The following GRID2IP variants were observed in gnomAD, a reference collection of about 807,000 sequenced individuals.
GRID2IP encodes delphilin.
GRID2IP carries 78 observed loss-of-function variants against 114.3 expected under a neutral mutation model. The observed-to-expected ratio is 0.68, with a 90% CI of 0.57 to 0.82. GRID2IP has a LOEUF of 0.82. Among genes scored for constraint, GRID2IP ranks in the 40% least tolerant of loss-of-function variants. The pLI, the probability that GRID2IP is intolerant of heterozygous loss-of-function variation, is 0.00. For synonymous variants in GRID2IP, 809 were observed against 724.0 expected, an observed-to-expected ratio of 1.12 and a Z score of -1.89; for missense variants, 1,727 against 1,678.5, an observed-to-expected ratio of 1.03 and a Z score of -0.51.
rs1583345105 is a variant in GRID2IP, at chr7:6,522,396, A to G, written c.920-439T>C. Among the ~76,000 whole-genome samples the G allele has an allele frequency of 4.6e-5, 7 of 152,312 alleles. No individual in the cohort carries two copies. In the East Asian group the frequency reaches 1.4e-3, roughly 29 times the overall value. Reference sequence around the variant, plus strand: ...TGGAGGGCAGGACTCAGGCAGCATCAGTACTTCTTGAGTCCCTGCTCCATA... The same window carrying G: ...TGGAGGGCAGGACTCAGGCAGCATCGGTACTTCTTGAGTCCCTGCTCCATA... On this transcript the variant is annotated intron_variant, in intron 4 of 21. Transcript: ENST00000457091.
At position 6,521,372 on chromosome 7, in the gene GRID2IP, G is replaced by C; in HGVS notation, c.1084+57C>G. ...CTCCGCACTGTGACTCTCACATATA[G>C]CAGCCTGGGCAGGGTCTCTGGGGGC... On this transcript the variant is annotated intron_variant, in intron 6 of 21. Coordinates refer to ENST00000457091, the MANE Select transcript of GRID2IP (RefSeq NM_001145118.2). The surrounding 1 kb of genome is among the most constrained non-coding windows in gnomAD (Gnocchi z 4.1). 1 of 1,262,404 alleles carries C rather than the reference G, an allele frequency of 7.9e-7. No individual in the cohort carries two copies. Among genetic ancestry groups the C allele is most frequent in the Non-Finnish European group, 1.1e-6 (1 of 910,086 alleles). 78.2% of individuals were successfully genotyped at this position (1,262,404 alleles called of 1,614,324 possible). A position where few individuals can be genotyped will look rare whatever the true frequency, so the allele number is the denominator to read the frequency against.
Position 6,539,756 on chromosome 7 carries a change from C to A in GRID2IP, c.546G>T (p.Leu182=), listed in dbSNP as rs954991699. 9.7e-6 allele frequency: 15 copies of A among 1,549,876 alleles called. No individual in the cohort carries two copies. The highest frequency in any genetic ancestry group is 2.7e-5 in the African/African-American group (2 of 72,978). The change falls in exon 2 of 22, where the codon CTG becomes CTT. Residue 182 remains leucine (L), a synonymous_variant. Coordinates refer to ENST00000457091, the MANE Select transcript of GRID2IP (RefSeq NM_001145118.2). ...DDLVWTLTLA[L]PREACGPLLD... The stretch of plus-strand genomic sequence containing the variant: ...GGAGTGGCCCGCAGGCCTCTCGGGG[C>A]AGCGCCAGGGTGAGAGTCCACACCA...
At chr7:6,533,009 G>C (rs1472662232) in intron 2 of GRID2IP, among the ~76,000 whole-genome samples, 1 of 152,180 alleles carries the variant, frequency 6.6e-6, no homozygotes, top group Non-Finnish European at 1.5e-5. Context: ...CCAGCAAAAG[G>C]CACTGCTTAA....
rs1435870976 is a variant in GRID2IP, at chr7:6,536,877, C to A, written c.584+2841G>T. ...TCTTTCGGTGGTGGTCGCCTATGCT[C>A]CGCTGCAGAGCCGAGAGCTGCGCCG... On this transcript the variant is annotated intron_variant, in intron 2 of 21. Coordinates refer to ENST00000457091, the MANE Select transcript of GRID2IP (RefSeq NM_001145118.2). The surrounding 1 kb of genome is among the most constrained non-coding windows in gnomAD (Gnocchi z 5.3). 3.6e-6 allele frequency: 2 copies of A among 553,056 alleles called. No individual in the cohort carries two copies. The highest frequency in any genetic ancestry group is 8.6e-5 in the East Asian group (2 of 23,296). The allele number at this position is 553,056 out of a possible 1,614,324, so 34.3% of individuals were successfully genotyped here. A position where few individuals can be genotyped will look rare whatever the true frequency, so the allele number is the denominator to read the frequency against.
chr7:6,503,595 CGA>C lies in GRID2IP; in HGVS notation c.2801_2802del (p.Leu934ArgfsTer67), dbSNP rs1786481135. 6.5e-7 allele frequency: 1 copy of C among 1,529,224 alleles called. No individual in the cohort carries two copies. The highest frequency in any genetic ancestry group is 8.7e-7 in the Non-Finnish European group (1 of 1,144,452). The allele number at this position is 1,529,224 out of a possible 1,614,324, so 94.7% of individuals were successfully genotyped here. A position where few individuals can be genotyped will look rare whatever the true frequency, so the allele number is the denominator to read the frequency against. On this transcript the variant is annotated frameshift_variant, in exon 16 of 22. Coordinates refer to ENST00000457091, the MANE Select transcript of GRID2IP (RefSeq NM_001145118.2). LOFTEE classifies it high-confidence loss of function. ...TCGGGCGCGAAGAGCAGCAGCTGCG[CGA>C]GATGTGCGGGCTCCAGGCGCCGGGG... The part of the protein sequence containing the change: ...MEPRRLEPAH[L>X]AQLLLFAPDA...
chr7:6,537,260 C>G (rs774719113), intron 2 of GRID2IP, among the ~76,000 whole-genome samples: 2 of 151,310 alleles, frequency 1.3e-5, no homozygotes, highest in Non-Finnish European at 2.9e-5. Context: ...AAACTGAGAG[C>G]AGGCCGGGCA....
At chr7:6,514,717 C>T (rs192699170) in intron 7 of GRID2IP, among the ~76,000 whole-genome samples, 188 bp from the exon 8 acceptor site, 37 of 151,970 alleles carry the variant, frequency 2.4e-4, no homozygotes, top group Non-Finnish European at 4.3e-4. Context: ...TTTGAGAGGC[C>T]GAGGCAGGTG....
rs1407752552 is a variant in GRID2IP at position 6,532,424 on chromosome 7, G to T, written c.585-5655C>A. On this transcript the variant is annotated intron_variant, in intron 2 of 21. Coordinates refer to ENST00000457091, the MANE Select transcript of GRID2IP (RefSeq NM_001145118.2). The surrounding 1 kb of genome is among the most constrained non-coding windows in gnomAD (Gnocchi z 4.4). ...GGGTACCTGCAGGCAGCACAGGGAG[G>T]ACCCTCTGGTCCGATCATCGGTCTC... 6.6e-6 allele frequency among the ~76,000 whole-genome samples: 1 copy of T among 152,164 alleles called. No homozygotes were observed. Among genetic ancestry groups the T allele is most frequent in the Non-Finnish European group, 1.5e-5 (1 of 68,028 alleles).
chr7:6,501,274 C>T (rs141634843), intron 20 of GRID2IP, among the ~76,000 whole-genome samples: 3,207 of 152,262 alleles, frequency 0.021, 125 homozygotes, highest in African/African-American at 0.074. Flanking sequence ...TAGCTTGAAC[C>T]TGGGAGGCGG....
Position 6,521,922 on chromosome 7 carries a change from C to T in GRID2IP, c.955G>A (p.Asp319Asn). 1 of 1,551,538 alleles carries T rather than the reference C, an allele frequency of 6.4e-7. No individual in the cohort carries two copies. Among genetic ancestry groups the T allele is most frequent in the Non-Finnish European group, 8.7e-7 (1 of 1,146,918 alleles). ...AGTCCATTGAGGAAGAGGATCCGGT[C>T]ACCTGACTTGAGGGCAGCATTGTCA... ...PADNAALKSG[D>N]RILFLNGLDM... Residue 319 changes from aspartate (D) to asparagine (N), a missense_variant, in exon 5 of 22, where the codon GAC becomes AAC. Transcript: ENST00000457091. This position sits in a 1 kb window ranked among gnomAD's most constrained non-coding sequence, Gnocchi z 4.1.
Position 6,523,146 on chromosome 7 carries a change from G to A in GRID2IP, c.920-1189C>T, listed in dbSNP as rs1779444706. ...GAGTCATCATTCTAAATGTAATTTG[G>A]AAAGTAGGGAAAATGATCAATGGCT... On this transcript the variant is annotated intron_variant, in intron 4 of 21. Coordinates refer to ENST00000457091, the MANE Select transcript of GRID2IP (RefSeq NM_001145118.2). The surrounding 1 kb of genome is among the most constrained non-coding windows in gnomAD (Gnocchi z 4.5). Among the ~76,000 whole-genome samples the A allele has an allele frequency of 2.0e-5, 3 of 152,106 alleles. No homozygotes were observed. The highest frequency in any genetic ancestry group is 7.2e-5 in the African/African-American group (3 of 41,408).
rs1029698225 is a variant in GRID2IP, at chr7:6,511,735, G to A, written c.1424-696C>T. On this transcript the variant is annotated intron_variant, in intron 8 of 21. Transcript: ENST00000457091. The stretch of plus-strand genomic sequence containing the variant: ...GCATGTGTGGTCCAGCATGGATCCT[G>A]AGCTTCTCGCTAAAACCCTAGCAAA... 1.3e-5 allele frequency among the ~76,000 whole-genome samples: 2 copies of A among 152,148 alleles called. 1 individual carries two copies. The highest frequency in any genetic ancestry group is 1.3e-4 in the Admixed American group (2 of 15,262).
At position 6,526,992 on chromosome 7, in the gene GRID2IP, T is replaced by G. The variant is rs946684990; in HGVS notation, c.585-223A>C. Reference sequence around the variant, plus strand: ...GCTAGGACTTGGCGTCCTGCTCGCTTCACCTCGGGAATGGCCCGTTCGGAC... The same window carrying G: ...GCTAGGACTTGGCGTCCTGCTCGCTGCACCTCGGGAATGGCCCGTTCGGAC... On this transcript the variant is annotated intron_variant, in intron 2 of 21. Transcript: ENST00000457091. The surrounding 1 kb of genome is among the most constrained non-coding windows in gnomAD (Gnocchi z 7.6). 4.6e-5 allele frequency among the ~76,000 whole-genome samples: 7 copies of G among 152,122 alleles called. No individual in the cohort carries two copies. The highest frequency in any genetic ancestry group is 8.8e-5 in the Non-Finnish European group (6 of 68,020).
rs1227687308 is a variant in GRID2IP at position 6,520,678 on chromosome 7, G to A, written c.1168C>T (p.Arg390Trp). The change falls in exon 7 of 22, where the codon CGG (arginine) becomes TGG (tryptophan). Residue 390 changes from arginine to tryptophan, a missense_variant. Arg to Trp is a moderately radical substitution (Grantham distance 101). Transcript: ENST00000457091. The surrounding 1 kb of genome is among the most constrained non-coding windows in gnomAD (Gnocchi z 4.6). ...WVAEILPSSIRVQGRTFSQQL... is the reference protein window; with the variant it reads ...WVAEILPSSIWVQGRTFSQQL... ...TGGCTGAAGGTCCTCCCTTGGACCC[G>A]GATGCTGGACGGCAGGATCTCCGCC... 10 of 1,551,620 alleles carry A rather than the reference G, an allele frequency of 6.4e-6. No homozygotes were observed. The highest frequency in any genetic ancestry group is 3.6e-5 in the South Asian group (3 of 84,068).
rs1779394652 is a variant in GRID2IP at position 6,520,671 on chromosome 7, T to C, written c.1175A>G (p.Gln392Arg). Residue 392 changes from glutamine to arginine, a missense_variant, in exon 7 of 22, where the codon CAA becomes CGA. Transcript: ENST00000457091. The surrounding 1 kb of genome is among the most constrained non-coding windows in gnomAD (Gnocchi z 4.6). ...AEILPSSIRV[Q>R]GRTFSQQLEH... is the part of the protein sequence containing the mutation. ...CAGCTGCTGGCTGAAGGTCCTCCCT[T>C]GGACCCGGATGCTGGACGGCAGGAT... is the stretch of plus-strand genomic sequence containing the variant. 1.3e-6 allele frequency: 2 copies of C among 1,551,564 alleles called. No individual in the cohort carries two copies. The highest frequency in any genetic ancestry group is 1.4e-5 in the African/African-American group (1 of 73,048).
chr7:6,537,059 C>T (rs968845923), intron 2 of GRID2IP, among the ~76,000 whole-genome samples: 3 of 151,922 alleles, frequency 2.0e-5, no homozygotes, highest in Non-Finnish European at 4.4e-5. Context: ...GAGGAGCAGT[C>T]GCAGGCCCAG....
In GRID2IP at chr7:6,524,000, A is replaced by G. The variant is rs1317252136; in HGVS notation, c.920-2043T>C. On this transcript the variant is annotated intron_variant, in intron 4 of 21. Transcript: ENST00000457091. This position sits in a 1 kb window ranked among gnomAD's most constrained non-coding sequence, Gnocchi z 4.5. ...CAGCTTTGGGCCTTTTGCTTACAAT[A>G]TGGTGTCAACAAGTTAGTGATGCCC... is the stretch of plus-strand genomic sequence containing the variant. Among the ~76,000 whole-genome samples the G allele has an allele frequency of 2.6e-5, 4 of 152,210 alleles. No individual in the cohort carries two copies. Among genetic ancestry groups the G allele is most frequent in the African/African-American group, 4.8e-5 (2 of 41,448 alleles).
At chr7:6,502,910 C>T in intron 17 of GRID2IP, 38 bp from the exon 18 acceptor site, 1 of 1,541,026 alleles carries the variant, frequency 6.5e-7, no homozygotes. Flanking sequence ...GTCCTCACCC[C>T]ACCACCCATC....
Position 6,521,841 on chromosome 7 carries a change from T to G in GRID2IP, c.989+47A>C, listed in dbSNP as rs748694236. 4 of 1,392,632 alleles carry G rather than the reference T, an allele frequency of 2.9e-6. No individual in the cohort carries two copies. In the South Asian group the frequency reaches 3.7e-5, roughly 13 times the overall value. 86.3% of individuals were successfully genotyped at this position (1,392,632 alleles called of 1,614,324 possible). ...CAAGAGGCAGGAGTCTTGCAGGGGG[T>G]GGGGGCAGCTCCTCACCAACCCCTG... On this transcript the variant is annotated intron_variant, in intron 5 of 21. Transcript: ENST00000457091. The surrounding 1 kb of genome is among the most constrained non-coding windows in gnomAD (Gnocchi z 4.1).
Sources: gnomAD v4.1 joint callset for allele counts (sites outside exome capture counted in the v4.1 genomes callset) on GRCh38, gnomAD v4.1.1 for gene constraint, Gnocchi (gnomAD v3.1) non-coding constraint, MANE v1.5 for transcripts, NCBI Gene and HGNC (gene_info 2026-07-23, HGNC 2026-07-21) for gene names.